The following CEP112 variants were observed in gnomAD, a reference collection of about 807,000 sequenced individuals.
CEP112 encodes centrosomal protein 112.
In CEP112, 127 loss-of-function variants were observed where a neutral mutation model predicts 153.0. That is an observed-to-expected ratio of 0.83 (90% confidence interval 0.72 to 0.96). The LOEUF is 0.96. Ranked by LOEUF, CEP112 falls within the 40% of genes least tolerant of loss-of-function variation. CEP112 has a pLI of 0.00. For synonymous variants in CEP112, 358 were observed against 374.4 expected, an observed-to-expected ratio of 0.96 and a Z score of 0.51; for missense variants, 1,089 against 1,101.2, an observed-to-expected ratio of 0.99 and a Z score of 0.16.
chr17:65,821,460 T>TA (rs1265781246), intron 21 of CEP112, among the ~76,000 whole-genome samples: 1 of 138,296 alleles, frequency 7.2e-6, no homozygotes, highest in Non-Finnish European at 1.5e-5. Flanking sequence ...TTCCAATACT[T>TA]AAAAAATTAT....
At chr17:66,090,259 A>T (rs2068083503) in intron 8 of CEP112, among the ~76,000 whole-genome samples, 1 of 152,070 alleles carries the variant, frequency 6.6e-6, no homozygotes, top group South Asian at 2.1e-4. Context: ...CTCACCAGTA[A>T]AAGTAAGGAA....
At chr17:65,950,060 G>A (rs988354101) in intron 18 of CEP112, among the ~76,000 whole-genome samples, 3 of 151,988 alleles carry the variant, frequency 2.0e-5, no homozygotes, top group Non-Finnish European at 4.4e-5. Context: ...AGAATCAACA[G>A]GTAAATGGAG....
intron 23 of CEP112, among the ~76,000 whole-genome samples, chr17:65,725,462 T>C (rs1457491335): frequency 6.6e-6 from 1 of 151,886 alleles, no homozygotes; most frequent in Non-Finnish European, 1.5e-5. Context: ...AGATTACAGG[T>C]GCGCACCACC....
intron 6 of CEP112, among the ~76,000 whole-genome samples, chr17:66,110,293 C>T (rs976244201): frequency 6.6e-6 from 1 of 151,036 alleles, no homozygotes; most frequent in Non-Finnish European, 1.5e-5. Flanking sequence ...GATTGCGCCA[C>T]TGCATTCCAG....
At chr17:65,979,337 A>T (rs2063148674) in intron 17 of CEP112, among the ~76,000 whole-genome samples, 1 of 152,026 alleles carries the variant, frequency 6.6e-6, no homozygotes, top group African/African-American at 2.4e-5. Context: ...AAACTCCTGC[A>T]ATCCTCCCAC....
chr17:65,684,807 C>G (rs1053909782), intron 24 of CEP112, among the ~76,000 whole-genome samples: 4 of 152,158 alleles, frequency 2.6e-5, no homozygotes, highest in African/African-American at 9.7e-5. Flanking sequence ...GTGTGTTGTA[C>G]ATTAGGGAAG....
chr17:66,101,402 T>C (rs541356758), intron 6 of CEP112, among the ~76,000 whole-genome samples: 1 of 152,032 alleles, frequency 6.6e-6, no homozygotes, highest in Non-Finnish European at 1.5e-5. Flanking sequence ...TAGACTCTAT[T>C]AGAGCATGAA....
chr17:65,655,254 C>G, intron 24 of CEP112: 3 of 1,001,740 alleles, frequency 3.0e-6, no homozygotes, highest in Admixed American at 1.7e-5. Context: ...ATACGGTGAT[C>G]TATGGTGCAG....
chr17:65,760,197 T>C (rs1270593670), intron 21 of CEP112, among the ~76,000 whole-genome samples: 1 of 152,184 alleles, frequency 6.6e-6, no homozygotes, highest in Admixed American at 6.6e-5. Context: ...AATCACATCA[T>C]CTGCAAACAA....
At chr17:65,987,142 T>C (rs1399402118) in intron 17 of CEP112, among the ~76,000 whole-genome samples, 1 of 151,978 alleles carries the variant, frequency 6.6e-6, no homozygotes, top group African/African-American at 2.4e-5. Context: ...ATCAGAAAAG[T>C]ATGAGGAATC....
chr17:66,132,005 C>G (rs547127037), intron 5 of CEP112, among the ~76,000 whole-genome samples: 2 of 150,736 alleles, frequency 1.3e-5, no homozygotes, highest in African/African-American at 4.9e-5. Flanking sequence ...CCTGTCTCTA[C>G]TAAAGATACA....
intron 16 of CEP112, among the ~76,000 whole-genome samples, chr17:66,016,083 A>G (rs1054679663): frequency 4.6e-5 from 7 of 152,056 alleles, no homozygotes; most frequent in African/African-American, 1.7e-4. Context: ...CCTTATGACA[A>G]TTTTCACTTC....
intron 18 of CEP112, among the ~76,000 whole-genome samples, chr17:65,950,911 C>T (rs1474384801): frequency 2.0e-5 from 3 of 151,986 alleles, no homozygotes; most frequent in African/African-American, 7.2e-5. Context: ...AAATTTGCTT[C>T]GAGTCCTAAT....
At chr17:65,672,519 A>G (rs1181175022) in intron 24 of CEP112, among the ~76,000 whole-genome samples, 1 of 152,254 alleles carries the variant, frequency 6.6e-6, no homozygotes, top group East Asian at 1.9e-4. Context: ...TATTTACTAC[A>G]TATTAGTACT....
Position 65,689,281 on chromosome 17 carries a change from C to A in CEP112, c.2608-63G>T, listed in dbSNP as rs943054659. 3.3e-6 allele frequency: 4 copies of A among 1,206,268 alleles called. No individual in the cohort carries two copies. The African/African-American group carries it at 6.1e-5, about 18-fold the overall frequency. The allele number at this position is 1,206,268 out of a possible 1,614,324, so 74.7% of individuals were successfully genotyped here. On this transcript the variant is annotated intron_variant, in intron 23 of 26. Transcript: ENST00000535342. ...GCACACTTGGAAAAATAGTTCTACA[C>A]CATGAACTGGCACTAAAAAGGCCTC... is the stretch of plus-strand genomic sequence containing the variant.
At chr17:66,039,894 T>C (rs1384104124) in intron 12 of CEP112, among the ~76,000 whole-genome samples, 8 of 152,214 alleles carry the variant, frequency 5.3e-5, no homozygotes, top group Non-Finnish European at 8.8e-5. Context: ...GATTCATCCA[T>C]GTTGTGGAAT....
intron 17 of CEP112, among the ~76,000 whole-genome samples, chr17:65,992,760 C>T (rs2063639607): frequency 6.6e-6 from 1 of 152,104 alleles, no homozygotes; most frequent in African/African-American, 2.4e-5. Context: ...AGTCACAATT[C>T]CTCACTTTGG....
At chr17:65,655,161 T>G (rs769156316) in intron 24 of CEP112, 8 of 753,994 alleles carry the variant, frequency 1.1e-5, no homozygotes, top group East Asian at 7.6e-5. Context: ...TAAAAGTGTA[T>G]GTAGGCAGAA....
chr17:65,643,835 G>T (rs1567801190), intron 24 of CEP112, among the ~76,000 whole-genome samples: 1 of 152,186 alleles, frequency 6.6e-6, no homozygotes, highest in Non-Finnish European at 1.5e-5. Context: ...TTGAATTCTT[G>T]ATGTAAGCAG....
Sources: gnomAD v4.1 joint callset for allele counts (sites outside exome capture counted in the v4.1 genomes callset) on GRCh38, gnomAD v4.1.1 for gene constraint, MANE v1.5 for transcripts, NCBI Gene and HGNC (gene_info 2026-07-23, HGNC 2026-07-21) for gene names.